The following PTPRD variants were observed in gnomAD, a reference collection of about 807,000 sequenced individuals.
PTPRD encodes protein tyrosine phosphatase receptor type D, also known as receptor-type tyrosine-protein phosphatase delta.
In PTPRD, 34 loss-of-function variants were observed where a neutral mutation model predicts 214.5. The observed-to-expected ratio is 0.16, with a 90% CI of 0.12 to 0.21. PTPRD has a LOEUF of 0.21. Among genes scored for constraint, PTPRD ranks in the 10% least tolerant of loss-of-function variants. The probability of loss-of-function intolerance (pLI) is 1.00; values close to 1 mark genes in which losing one functional copy is unlikely to be tolerated. For missense variants in PTPRD, 2,545 were observed against 2,398.7 expected, an observed-to-expected ratio of 1.06 and a Z score of -1.27; for synonymous variants, 1,128 against 845.7, an observed-to-expected ratio of 1.33 and a Z score of -5.79.
At chr9:10,339,347 CCTT>C (rs2096898775) in intron 3 of PTPRD, among the ~76,000 whole-genome samples, 3 of 151,694 alleles carry the variant, frequency 2.0e-5, no homozygotes, top group South Asian at 4.1e-4. Context: ...GCATAACACA[CCTT>C]CTTCCTGTTT....
chr9:8,429,116 A>C (rs575241381), intron 35 of PTPRD, among the ~76,000 whole-genome samples: 1 of 152,344 alleles, frequency 6.6e-6, no homozygotes, highest in East Asian at 1.9e-4. Flanking sequence ...ATTGGTAACT[A>C]TGACATTTTC....
intron 5 of PTPRD, among the ~76,000 whole-genome samples, chr9:9,891,226 C>T (rs926215612): frequency 6.6e-6 from 1 of 152,040 alleles, no homozygotes. Context: ...TTTAACTTTC[C>T]CAGTGGTATG....
intron 11 of PTPRD, among the ~76,000 whole-genome samples, chr9:8,834,320 A>G (rs1185723551): frequency 6.6e-6 from 1 of 151,960 alleles, no homozygotes; most frequent in Non-Finnish European, 1.5e-5. Flanking sequence ...AAATTTTCAT[A>G]TATCATATGA....
chr9:10,228,958 C>T (rs528295060), intron 3 of PTPRD, among the ~76,000 whole-genome samples: 3 of 151,818 alleles, frequency 2.0e-5, no homozygotes, highest in Non-Finnish European at 4.4e-5. Context: ...TAAGGCATTG[C>T]TTCTTAATTC....
chr9:8,698,640 C>A (rs1306315446), intron 12 of PTPRD, among the ~76,000 whole-genome samples: 1 of 152,142 alleles, frequency 6.6e-6, no homozygotes, highest in African/African-American at 2.4e-5. Flanking sequence ...ACCACAGGTT[C>A]AAAATGCATC....
At chr9:9,024,774 A>G (rs1458133169) in intron 10 of PTPRD, among the ~76,000 whole-genome samples, 22 of 151,884 alleles carry the variant, frequency 1.4e-4, no homozygotes. Context: ...GTCTTCTATA[A>G]TTACTTGTAA....
Position 8,320,425 on chromosome 9 carries a change from C to T in PTPRD, c.5535-459G>A, listed in dbSNP as rs777701695. Reference sequence around the variant, plus strand: ...TTTGCAGTTACTTAAAATACATATGCGATGCCCATAACCTAAATGTATTTG... The same window carrying T: ...TTTGCAGTTACTTAAAATACATATGTGATGCCCATAACCTAAATGTATTTG... On this transcript the variant is annotated intron_variant, in intron 44 of 45. Coordinates refer to ENST00000381196, the MANE Select transcript of PTPRD (RefSeq NM_002839.4). 1.1e-4 allele frequency among the ~76,000 whole-genome samples: 17 copies of T among 152,012 alleles called. 1 individual carries two copies. The highest frequency in any genetic ancestry group is 2.2e-4 in the African/African-American group (9 of 41,400).
At chr9:8,841,435 T>C (rs1195864228) in intron 11 of PTPRD, among the ~76,000 whole-genome samples, 1 of 152,196 alleles carries the variant, frequency 6.6e-6, no homozygotes, top group Non-Finnish European at 1.5e-5. Context: ...AGCTTTATTT[T>C]TTTTAATTAA....
chr9:10,423,852 G>T (rs758266558), intron 2 of PTPRD, among the ~76,000 whole-genome samples: 1 of 151,892 alleles, frequency 6.6e-6, no homozygotes, highest in Non-Finnish European at 1.5e-5. Flanking sequence ...GGATGCACCC[G>T]CTAGATTTTG....
intron 4 of PTPRD, among the ~76,000 whole-genome samples, chr9:10,027,329 G>T (rs556203249): frequency 6.6e-6 from 1 of 152,128 alleles, no homozygotes; most frequent in Non-Finnish European, 1.5e-5. Context: ...AGGCAATAAA[G>T]CTGGGGGGAA....
At chr9:8,759,329 G>T (rs755687271) in intron 11 of PTPRD, among the ~76,000 whole-genome samples, 5 of 152,112 alleles carry the variant, frequency 3.3e-5, no homozygotes, top group Non-Finnish European at 2.9e-5. Flanking sequence ...TCAGATTACA[G>T]GTGTGAGCCA....
chr9:9,091,525 T>C (rs972965115), intron 10 of PTPRD, among the ~76,000 whole-genome samples: 3 of 152,188 alleles, frequency 2.0e-5, no homozygotes, highest in Non-Finnish European at 4.4e-5. Context: ...CAATTAGTAA[T>C]AGTCCCCATT....
chr9:9,135,214 T>C (rs2099849001), intron 10 of PTPRD, among the ~76,000 whole-genome samples: 1 of 152,232 alleles, frequency 6.6e-6, no homozygotes, highest in Non-Finnish European at 1.5e-5. Context: ...ACTCTGATTG[T>C]ATGCTTTCAA....
rs1244758394 is a variant in PTPRD, at chr9:8,947,455, T to G, written c.-104+71242A>C. Among the ~76,000 whole-genome samples the G allele has an allele frequency of 1.0e-4, 13 of 125,822 alleles. No homozygotes were observed. In the East Asian group the frequency reaches 2.4e-3, roughly 23 times the overall value. 82.5% of individuals were successfully genotyped at this position (125,822 alleles called of 152,430 possible). ...TCCAGCCTGGATGACAGAGCGAGAC[T>G]CTGTCTCAAAAAAAAAAAAAAAAAG... On this transcript the variant is annotated intron_variant, in intron 11 of 45. Coordinates refer to ENST00000381196, the MANE Select transcript of PTPRD (RefSeq NM_002839.4).
intron 11 of PTPRD, among the ~76,000 whole-genome samples, chr9:8,851,888 AAAAAG>A (rs1419882974): frequency 6.6e-6 from 1 of 152,140 alleles, no homozygotes; most frequent in East Asian, 1.9e-4. Context: ...ACTGTAGCCT[AAAAAG>A]AAAGGAACCT....
At chr9:9,974,352 C>T (rs7858619) in intron 4 of PTPRD, among the ~76,000 whole-genome samples, 121,578 of 152,026 alleles carry the variant, frequency 0.8, 49,258 homozygotes, top group Middle Eastern at 0.9. Context: ...CTGCACCAAG[C>T]CTTTCTCCTT....
intron 11 of PTPRD, among the ~76,000 whole-genome samples, chr9:8,988,785 T>G (rs1262973611): frequency 6.6e-6 from 1 of 152,052 alleles, no homozygotes; most frequent in African/African-American, 2.4e-5. Flanking sequence ...GTTGTGGTGT[T>G]AGTTGGAAAT....
chr9:10,389,346 G>A (rs2098004575), intron 2 of PTPRD, among the ~76,000 whole-genome samples: 2 of 151,836 alleles, frequency 1.3e-5, no homozygotes, highest in African/African-American at 4.8e-5. Context: ...TTGGAAATTA[G>A]ATGATTTCTT....
At chr9:9,119,163 A>C (rs1330395990) in intron 10 of PTPRD, among the ~76,000 whole-genome samples, 1 of 152,186 alleles carries the variant, frequency 6.6e-6, no homozygotes. Context: ...GAATTGGTTT[A>C]ACCTTGTTGA....
Sources: allele counts gnomAD v4.1 joint callset (sites outside exome capture counted in the v4.1 genomes callset), GRCh38; gene constraint gnomAD v4.1.1; transcripts MANE v1.5; gene names NCBI Gene and HGNC (gene_info 2026-07-23, HGNC 2026-07-21).